TMEM196: variants seen among roughly 807,000 people sequenced by gnomAD.
The protein encoded by TMEM196 is transmembrane protein 196.
Under a neutral mutation model 20.0 loss-of-function variants are expected in TMEM196, and 17 were observed. The ratio of observed to expected loss-of-function variants is 0.85; its 90% CI spans 0.58 to 1.27. The LOEUF (loss-of-function observed/expected upper bound fraction) is 1.27. TMEM196 is among the 50% of genes most tolerant of loss of function. The pLI, the probability that TMEM196 is intolerant of heterozygous loss-of-function variation, is 0.00. For missense variants in TMEM196, 267 were observed against 223.0 expected (o/e 1.20, Z -1.26); for synonymous variants, 113 against 88.9 (o/e 1.27, Z -1.52).
chr7:19,769,313 A>T (rs994482949), intron 1 of TMEM196, among the ~76,000 whole-genome samples: 1 of 151,962 alleles, frequency 6.6e-6, no homozygotes, highest in Non-Finnish European at 1.5e-5. Context: ...GGGAAGTAAG[A>T]ATGGGTATTA....
Position 19,772,721 on chromosome 7 carries a change from G to T in TMEM196, c.-25C>A, listed in dbSNP as rs1166132258. The stretch of plus-strand genomic sequence containing the variant: ...TCCTTCCTCGGTCATCTTCCTTCCA[G>T]ATCAGAGAGGGAAATCAACCATCTA... On this transcript the variant is annotated 5_prime_UTR_variant, in exon 1 of 5. It adds an upstream start codon to the 5' untranslated region. Coordinates refer to ENST00000405844, the MANE Select transcript of TMEM196 (RefSeq NM_001363562.2). 11 of 1,468,158 alleles carry T rather than the reference G, an allele frequency of 7.5e-6. No individual in the cohort carries two copies. The highest frequency in any genetic ancestry group is 1.0e-5 in the Non-Finnish European group (11 of 1,096,732). 90.9% of individuals were successfully genotyped at this position (1,468,158 alleles called of 1,614,324 possible). A position where few individuals can be genotyped will look rare whatever the true frequency, so the allele number is the denominator to read the frequency against.
intron 1 of TMEM196, among the ~76,000 whole-genome samples, chr7:19,739,870 G>A (rs919983728): frequency 3.9e-5 from 6 of 152,082 alleles, no homozygotes; most frequent in African/African-American, 1.4e-4. Flanking sequence ...CAAAGATGTA[G>A]AGAACTACAG....
chr7:19,733,864 G>A (rs894056360), intron 1 of TMEM196, among the ~76,000 whole-genome samples: 3 of 152,132 alleles, frequency 2.0e-5, no homozygotes, highest in Non-Finnish European at 4.4e-5. Context: ...GAGATCAGGC[G>A]CACAAGGACT....
At chr7:19,750,494 G>A (rs892635226) in intron 1 of TMEM196, among the ~76,000 whole-genome samples, 1 of 151,536 alleles carries the variant, frequency 6.6e-6, no homozygotes, top group Non-Finnish European at 1.5e-5. Context: ...ACACATATTC[G>A]TATCTCACAA....
intron 1 of TMEM196, among the ~76,000 whole-genome samples, chr7:19,730,122 G>A (rs1427340944): frequency 2.0e-5 from 3 of 152,120 alleles, no homozygotes; most frequent in Admixed American, 6.5e-5. Context: ...CGGGCGTGGT[G>A]GCAGGCGCCT....
chr7:19,738,269 G>A lies in TMEM196; in HGVS notation c.148-8831C>T, dbSNP rs1784472004. ...TTCTTACTGTTAGAGTGAGAGTTCA[G>A]AAATAAGTCAGGGTAAGAGTCTAGA... is the stretch of plus-strand genomic sequence containing the variant. On this transcript the variant is annotated intron_variant, in intron 1 of 4. Coordinates refer to ENST00000405844, the MANE Select transcript of TMEM196 (RefSeq NM_001363562.2). Among the ~76,000 whole-genome samples the A allele has an allele frequency of 2.6e-5, 4 of 152,194 alleles. No homozygotes were observed. In the South Asian group the frequency reaches 8.3e-4, roughly 32 times the overall value.
intron 1 of TMEM196, among the ~76,000 whole-genome samples, chr7:19,735,566 A>G (rs1583426982): frequency 1.3e-5 from 2 of 152,282 alleles, no homozygotes; most frequent in Non-Finnish European, 2.9e-5. Context: ...GGAAAGAGCA[A>G]CTAAGAGTAA....
At chr7:19,767,320 T>C (rs1202045324) in intron 1 of TMEM196, among the ~76,000 whole-genome samples, 1 of 152,086 alleles carries the variant, frequency 6.6e-6, no homozygotes. Flanking sequence ...TATTTCCCAG[T>C]AGTTTGGCTT....
At position 19,772,689 on chromosome 7, in the gene TMEM196, G is replaced by A; in HGVS notation, c.8C>T (p.Thr3Ile). The change falls in exon 1 of 5, where the codon ACC becomes ATC. Residue 3 changes from threonine to isoleucine, a missense_variant. Transcript: ENST00000405844. ...GAGGCTCCCAATAATCTGACCGCTGGTGCACATCCTTCCTCGGTCATCTTC... is the reference window on the plus strand; with the variant it reads ...GAGGCTCCCAATAATCTGACCGCTGATGCACATCCTTCCTCGGTCATCTTC... MC[T>I]SGQIIGSLLV... The A allele has an allele frequency of 6.6e-7, 1 of 1,512,438 alleles. No homozygotes were observed. The highest frequency in any genetic ancestry group is 8.9e-7 in the Non-Finnish European group (1 of 1,124,706). 93.7% of individuals were successfully genotyped at this position (1,512,438 alleles called of 1,614,324 possible).
chr7:19,762,677 G>A (rs1238718493), intron 1 of TMEM196, among the ~76,000 whole-genome samples: 3 of 152,038 alleles, frequency 2.0e-5, no homozygotes, highest in Non-Finnish European at 4.4e-5. Flanking sequence ...TGAAACATGT[G>A]GAAACTATAA....
At chr7:19,748,863 T>A (rs1784858306) in intron 1 of TMEM196, among the ~76,000 whole-genome samples, 1 of 152,146 alleles carries the variant, frequency 6.6e-6, no homozygotes, top group Non-Finnish European at 1.5e-5. Flanking sequence ...GAATAAAAAA[T>A]TACTATTCCT....
At chr7:19,756,621 A>G (rs939028546) in intron 1 of TMEM196, among the ~76,000 whole-genome samples, 2 of 137,500 alleles carry the variant, frequency 1.5e-5, no homozygotes, top group African/African-American at 5.4e-5. Context: ...ATGTCTTATT[A>G]GCTCACTTTA....
intron 1 of TMEM196, among the ~76,000 whole-genome samples, chr7:19,768,148 A>C (rs1282925367): frequency 6.6e-6 from 1 of 152,108 alleles, no homozygotes; most frequent in Admixed American, 6.6e-5. Flanking sequence ...ATGCTCCAGA[A>C]AAATAAGCAA....
intron 1 of TMEM196, among the ~76,000 whole-genome samples, chr7:19,750,113 C>T (rs929056798): frequency 2.7e-4 from 41 of 152,262 alleles, no homozygotes; most frequent in African/African-American, 9.6e-4. Context: ...GAAAAACATG[C>T]CCTAGCTTCT....
chr7:19,726,401 A>T (rs1223585353), intron 2 of TMEM196, among the ~76,000 whole-genome samples: 1 of 152,126 alleles, frequency 6.6e-6, no homozygotes, highest in African/African-American at 2.4e-5. Context: ...TTTAAAAAAA[A>T]GTTCACTCAT....
rs963295745 is a variant in TMEM196 at position 19,762,688 on chromosome 7, T to C, written c.147+9862A>G. Among the ~76,000 whole-genome samples the C allele has an allele frequency of 7.9e-5, 12 of 152,272 alleles. No homozygotes were observed. In the South Asian group the frequency reaches 8.3e-4, roughly 11 times the overall value. Reference sequence around the variant, plus strand: ...AACTTGAAACATGTGGAAACTATAATAGGGTTTAAAATGTAGATGATGAAT... The same window carrying C: ...AACTTGAAACATGTGGAAACTATAACAGGGTTTAAAATGTAGATGATGAAT... On this transcript the variant is annotated intron_variant, in intron 1 of 4. Transcript: ENST00000405844.
At chr7:19,771,431 C>CA (rs1052979842) in intron 1 of TMEM196, among the ~76,000 whole-genome samples, 6 of 151,432 alleles carry the variant, frequency 4.0e-5, no homozygotes, top group Non-Finnish European at 7.4e-5. Context: ...TTGCCAGTTT[C>CA]AAAAAAAAGT....
intron 1 of TMEM196, among the ~76,000 whole-genome samples, chr7:19,760,824 G>A (rs970073390): frequency 1.3e-5 from 2 of 152,118 alleles, no homozygotes; most frequent in Non-Finnish European, 2.9e-5. Context: ...CACAGTAGCC[G>A]TGGAATCAAT....
At chr7:19,745,736 G>A (rs1169105151) in intron 1 of TMEM196, among the ~76,000 whole-genome samples, 1 of 147,748 alleles carries the variant, frequency 6.8e-6, no homozygotes, top group Non-Finnish European at 1.5e-5. Flanking sequence ...ACATCCTGTT[G>A]GAGGCACCCA....
Sources: gnomAD v4.1 joint callset for allele counts (sites outside exome capture counted in the v4.1 genomes callset) on GRCh38, gnomAD v4.1.1 for gene constraint, MANE v1.5 for transcripts, NCBI Gene and HGNC (gene_info 2026-07-23, HGNC 2026-07-21) for gene names.